CROCC: variants seen among roughly 807,000 people sequenced by gnomAD.
CROCC encodes the protein ciliary rootlet coiled-coil, rootletin.
CROCC carries 180 observed loss-of-function variants against 245.2 expected under a neutral mutation model. The ratio of observed to expected loss-of-function variants is 0.73; its 90% CI spans 0.65 to 0.83. The LOEUF (loss-of-function observed/expected upper bound fraction) is 0.83. CROCC is among the 40% of genes least tolerant of loss of function. The probability of loss-of-function intolerance (pLI) is 0.00; values close to 1 mark genes in which losing one functional copy is unlikely to be tolerated. For missense variants in CROCC, 2,688 were observed against 2,779.4 expected, an observed-to-expected ratio of 0.97 and a Z score of 0.74; for synonymous variants, 1,205 against 1,241.6, an observed-to-expected ratio of 0.97 and a Z score of 0.62.
At chr1:16,968,850 T>C (rs189195069) in intron 31 of CROCC, among the ~76,000 whole-genome samples, 3 of 150,822 alleles carry the variant, frequency 2.0e-5, no homozygotes, top group African/African-American at 7.3e-5. Context: ...GAGAGAGGAG[T>C]GAGGACAGGG....
chr1:16,940,424 T>G (rs1222297749), intron 13 of CROCC, among the ~76,000 whole-genome samples: 1 of 151,884 alleles, frequency 6.6e-6, no homozygotes. Flanking sequence ...AGTTTCACTG[T>G]GTGGCCCAGG....
At chr1:16,915,090 T>G (rs1206188999) in intron 1 of CROCC, among the ~76,000 whole-genome samples, 1 of 152,238 alleles carries the variant, frequency 6.6e-6, no homozygotes, top group Non-Finnish European at 1.5e-5. Context: ...TCCCCAAGTC[T>G]TTCAGCCCTT....
At chr1:16,971,210 A>AGTGT (rs34364208) in intron 35 of CROCC, among the ~76,000 whole-genome samples, 4,707 of 144,048 alleles carry the variant, frequency 0.033, 121 homozygotes, top group South Asian at 0.047. Flanking sequence ...ATGATGTCTG[A>AGTGT]GTGTGTGTGT....
intron 27 of CROCC, among the ~76,000 whole-genome samples, chr1:16,964,741 C>A (rs117811493): frequency 6.6e-6 from 1 of 151,770 alleles, no homozygotes; most frequent in South Asian, 2.1e-4. Flanking sequence ...TGGAGTGCAG[C>A]GGTTCGATTA....
Position 16,924,348 on chromosome 1 carries a change from G to C in CROCC, c.220G>C (p.Ala74Pro). 1.9e-6 allele frequency: 3 copies of C among 1,613,028 alleles called. No homozygotes were observed. Among genetic ancestry groups the C allele is most frequent in the Non-Finnish European group, 1.7e-6 (2 of 1,179,782 alleles). Residue 74 changes from alanine (A) to proline (P), a missense_variant, in exon 3 of 37, where the codon GCA becomes CCA. Ala to Pro is a conservative substitution (Grantham distance 27, BLOSUM62 -1). This residue lies in a region of CROCC where 972 missense variants were observed against 895.3 expected (regional missense o/e 1.09). Transcript: ENST00000375541. ...SPVLLPATEM[A>P]SLLSLQEENQ... ...AGTCCTGCTGCCGGCCACAGAGATG[G>C]CATCGCTGCTGTCGCTGCAGGAGGA...
At chr1:16,971,407 C>G (rs1286142622) in intron 35 of CROCC, 58 bp from the exon 36 acceptor site, 33 of 1,470,900 alleles carry the variant, frequency 2.2e-5, no homozygotes, top group Non-Finnish European at 2.6e-5. Context: ...CAACCCGTCA[C>G]ACATGCACAC....
chr1:16,937,498 G>A, intron 9 of CROCC, 143 bp from the exon 10 acceptor site: 1 of 683,314 alleles, frequency 1.5e-6, no homozygotes, highest in South Asian at 1.7e-5. Flanking sequence ...AGAGGAGCCG[G>A]GACTTGTCTG....
In CROCC at chr1:16,955,329, C is replaced by G. The variant is rs1011640020; in HGVS notation, c.3483C>G (p.Thr1161=). The change falls in exon 24 of 37, where the codon ACC becomes ACG. Residue 1161 remains threonine (T), a synonymous_variant. Coordinates refer to ENST00000375541, the MANE Select transcript of CROCC (RefSeq NM_014675.5). The part of the protein sequence containing the change: ...SCLREAEELR[T]QLRLLEDARD... Reference sequence around the variant, plus strand: ...GCTCACAGGCAGAAGAGCTTCGGACCCAGCTGCGTCTGCTGGAGGATGCCC... The same window carrying G: ...GCTCACAGGCAGAAGAGCTTCGGACGCAGCTGCGTCTGCTGGAGGATGCCC... The G allele has an allele frequency of 6.2e-7, 1 of 1,608,204 alleles. No homozygotes were observed. The highest frequency in any genetic ancestry group is 8.5e-7 in the Non-Finnish European group (1 of 1,179,686).
intron 25 of CROCC, 114 bp from the exon 26 acceptor site, chr1:16,958,469 G>A (rs1000972851): frequency 2.4e-6 from 3 of 1,267,654 alleles, no homozygotes; most frequent in Middle Eastern, 2.7e-4. Flanking sequence ...AGTGGATGTG[G>A]GGTGGTATTT....
intron 36 of CROCC, 142 bp from the exon 37 acceptor site, chr1:16,972,218 A>G (rs1368545305): frequency 1.4e-6 from 1 of 723,066 alleles, no homozygotes; most frequent in Non-Finnish European, 2.5e-6. Context: ...AAAATGAGAA[A>G]GGCAGGACAG....
intron 8 of CROCC, among the ~76,000 whole-genome samples, chr1:16,934,195 A>G (rs531953335): frequency 1.3e-5 from 2 of 152,388 alleles, no homozygotes; most frequent in South Asian, 4.1e-4. Context: ...ACTCCTGTGT[A>G]TATTAATTAG....
chr1:16,960,918 C>T lies in CROCC; in HGVS notation c.4193C>T (p.Ala1398Val). 1 of 1,498,734 alleles carries T rather than the reference C, an allele frequency of 6.7e-7. No individual in the cohort carries two copies. Among genetic ancestry groups the T allele is most frequent in the Non-Finnish European group, 8.8e-7 (1 of 1,131,604 alleles). 92.8% of individuals were successfully genotyped at this position (1,498,734 alleles called of 1,614,324 possible). A position where few individuals can be genotyped will look rare whatever the true frequency, so the allele number is the denominator to read the frequency against. Reference sequence around the variant, plus strand: ...AAGCTGGAGGCGGCGCGGGCCGAGGCTGCAGAGCTGGGCCTGCGGCTGAGC... The same window carrying T: ...AAGCTGGAGGCGGCGCGGGCCGAGGTTGCAGAGCTGGGCCTGCGGCTGAGC... ...ELKLEAARAE[A>V]AELGLRLSAA... Residue 1398 changes from alanine to valine, a missense_variant, in exon 27 of 37, where the codon GCT (alanine) becomes GTT (valine). By Grantham distance (64) the Ala-to-Val change is moderately conservative. Around this residue, in one of 9 missense-constraint regions of CROCC, gnomAD observed 1,218 missense variants for 1,286.3 expected, o/e 0.95. Transcript: ENST00000375541.
At chr1:16,940,318 G>A (rs575051861) in intron 13 of CROCC, among the ~76,000 whole-genome samples, 1 of 152,332 alleles carries the variant, frequency 6.6e-6, no homozygotes, top group African/African-American at 2.4e-5. Context: ...CCGCCTCCTG[G>A]GTTCACGCCA....
At chr1:16,940,317 G>T (rs1224511835) in intron 13 of CROCC, among the ~76,000 whole-genome samples, 1 of 152,224 alleles carries the variant, frequency 6.6e-6, no homozygotes, top group African/African-American at 2.4e-5. Context: ...GCCGCCTCCT[G>T]GGTTCACGCC....
At chr1:16,936,211 G>A (rs527418804) in intron 8 of CROCC, among the ~76,000 whole-genome samples, 96 of 152,280 alleles carry the variant, frequency 6.3e-4, no homozygotes, top group African/African-American at 2.1e-3. Flanking sequence ...TCAGCTTCCC[G>A]CATAGCTGGG....
At chr1:16,941,142 T>C (rs1389536511) in intron 13 of CROCC, 5 of 172,728 alleles carry the variant, frequency 2.9e-5, no homozygotes, top group Non-Finnish European at 5.0e-5. Context: ...ATTACAGGCA[T>C]AAGCCACTGT....
chr1:16,968,537 A>G, intron 31 of CROCC, 119 bp downstream of exon 31: 1 of 1,042,880 alleles, frequency 9.6e-7, no homozygotes, highest in Non-Finnish European at 1.3e-6. Context: ...TCCCCATTTC[A>G]CAGATGGACA....
chr1:16,921,804 G>A (rs1350601898), upstream of CROCC: 33 of 555,284 alleles, frequency 5.9e-5, no homozygotes, highest in South Asian at 3.9e-4. Context: ...TTGGCTCCCT[G>A]CCTCTGCTTC....
chr1:16,939,212 G>GGGCGGC, intron 12 of CROCC, 70 bp downstream of exon 12: 4 of 1,243,970 alleles, frequency 3.2e-6, no homozygotes, highest in Non-Finnish European at 4.2e-6. Context: ...CTCCGGGTGG[G>GGGCGGC]GGCGGGGGCG....
Sources: gnomAD v4.1 joint callset for allele counts (sites outside exome capture counted in the v4.1 genomes callset) on GRCh38, gnomAD v4.1.1 for gene constraint, gnomAD v4.1.1 regional missense constraint, MANE v1.5 for transcripts, NCBI Gene and HGNC (gene_info 2026-07-23, HGNC 2026-07-21) for gene names.